Variants in NTM observed in about 807,000 individuals in gnomAD.
NTM encodes the protein IgLON family member 2.
A neutral mutation model predicts 42.1 loss-of-function variants in NTM; 13 were observed. The observed-to-expected ratio is 0.31, with a 90% CI of 0.20 to 0.49. NTM has a LOEUF of 0.49. Among genes scored for constraint, NTM ranks in the 20% least tolerant of loss-of-function variants. The pLI, the probability that NTM is intolerant of heterozygous loss-of-function variation, is 0.99. For synonymous variants in NTM, 187 were observed against 179.2 expected, an observed-to-expected ratio of 1.04 and a Z score of -0.35; for missense variants, 373 against 452.8, an observed-to-expected ratio of 0.82 and a Z score of 1.60.
Position 131,720,564 on chromosome 11 carries a change from C to T in NTM, c.83-191000C>T, listed in dbSNP as rs570473088. On this transcript the variant is annotated intron_variant, in intron 1 of 8. Coordinates refer to ENST00000683400, the MANE Select transcript of NTM (RefSeq NM_001352005.2). Reference sequence around the variant, plus strand: ...AGATGAGATTCTTACTCCAATAAAACTGCAGCCTAGTAATGGTGGCAATGT... The same window carrying T: ...AGATGAGATTCTTACTCCAATAAAATTGCAGCCTAGTAATGGTGGCAATGT... Among the ~76,000 whole-genome samples the T allele has an allele frequency of 2.8e-4, 43 of 152,304 alleles. No homozygotes were observed. In the South Asian group the frequency reaches 8.7e-3, roughly 31 times the overall value.
intron 1 of NTM, among the ~76,000 whole-genome samples, chr11:131,603,251 A>C (rs970783819): frequency 6.6e-6 from 1 of 151,878 alleles, no homozygotes; most frequent in Non-Finnish European, 1.5e-5. Flanking sequence ...TCCCTCCAAC[A>C]TACCCACTTC....
chr11:131,886,338 C>T (rs1201714535), intron 1 of NTM, among the ~76,000 whole-genome samples: 2 of 152,204 alleles, frequency 1.3e-5, no homozygotes, highest in African/African-American at 4.8e-5. Context: ...GTCTCTAATT[C>T]CTGTGGCTTC....
At chr11:132,120,785 G>A (rs998973820) in intron 2 of NTM, among the ~76,000 whole-genome samples, 5 of 152,124 alleles carry the variant, frequency 3.3e-5, no homozygotes, top group African/African-American at 4.8e-5. Context: ...TAGATTCTCC[G>A]TGGATGTGGA....
chr11:131,796,091 T>C, intron 1 of NTM: 1 of 985,390 alleles, frequency 1.0e-6, no homozygotes. Context: ...CACTAGTTAT[T>C]TTCCCGGGGG....
At chr11:131,525,101 G>A (rs568350941) in intron 1 of NTM, among the ~76,000 whole-genome samples, 9 of 152,270 alleles carry the variant, frequency 5.9e-5, no homozygotes, top group Middle Eastern at 3.4e-3. Flanking sequence ...GGTATTGCCA[G>A]ACCTCTACGC....
At chr11:132,114,470 A>G (rs1261897377) in intron 2 of NTM, among the ~76,000 whole-genome samples, 1 of 152,142 alleles carries the variant, frequency 6.6e-6, no homozygotes, top group Non-Finnish European at 1.5e-5. Context: ...TACTCAGACT[A>G]TGACAGTAAT....
intron 1 of NTM, among the ~76,000 whole-genome samples, chr11:131,906,780 T>C (rs928075929): frequency 4.6e-5 from 7 of 152,100 alleles, no homozygotes; most frequent in African/African-American, 1.7e-4. Context: ...CTTCATATCC[T>C]CCTTCTCAGT....
At chr11:131,903,305 T>A (rs553240089) in intron 1 of NTM, among the ~76,000 whole-genome samples, 1 of 152,364 alleles carries the variant, frequency 6.6e-6, no homozygotes, top group South Asian at 2.1e-4. Context: ...GATAGCCATG[T>A]CCCAGCTAGG....
intron 1 of NTM, among the ~76,000 whole-genome samples, chr11:131,559,668 A>G (rs1276383236): frequency 6.6e-6 from 1 of 152,238 alleles, no homozygotes; most frequent in Admixed American, 6.5e-5. Context: ...TAATCAAGGT[A>G]GAAATGTATT....
At chr11:131,656,941 AC>A (rs1343665419) in intron 1 of NTM, among the ~76,000 whole-genome samples, 3 of 151,888 alleles carry the variant, frequency 2.0e-5, no homozygotes, top group African/African-American at 7.3e-5. Context: ...TCCGTGAGCC[AC>A]CGTGGTGGTC....
At chr11:131,890,438 AG>A in intron 1 of NTM, among the ~76,000 whole-genome samples, 1 of 152,352 alleles carries the variant, frequency 6.6e-6, no homozygotes, top group East Asian at 1.9e-4. Flanking sequence ...TGCTGAGTGC[AG>A]GGGGAGACAG....
chr11:132,172,811 G>A (rs1592002351), intron 3 of NTM, among the ~76,000 whole-genome samples: 1 of 152,164 alleles, frequency 6.6e-6, no homozygotes, highest in South Asian at 2.1e-4. Context: ...ATTTGTGCTG[G>A]AAAAAGCACA....
intron 1 of NTM, among the ~76,000 whole-genome samples, chr11:131,849,723 GCCCTTT>G: frequency 6.6e-6 from 1 of 150,428 alleles, no homozygotes. Flanking sequence ...ACATTTCAGA[GCCCTTT>G]ATGGGTTAGC....
chr11:131,650,278 TG>T (rs758850446), intron 1 of NTM, among the ~76,000 whole-genome samples: 72 of 152,114 alleles, frequency 4.7e-4, no homozygotes, highest in Non-Finnish European at 8.2e-4. Context: ...CTCCTAAATT[TG>T]GGGGGTACAT....
intron 1 of NTM, among the ~76,000 whole-genome samples, chr11:131,552,504 CA>C (rs36101549): frequency 0.054 from 3,922 of 73,086 alleles, 135 homozygotes; most frequent in African/African-American, 0.15. Context: ...GACTCCGTCT[CA>C]AAAAAAAAAA....
At chr11:131,983,249 G>C (rs1447250103) in intron 2 of NTM, among the ~76,000 whole-genome samples, 2 of 152,060 alleles carry the variant, frequency 1.3e-5, no homozygotes, top group Non-Finnish European at 2.9e-5. Context: ...ATCACAAAAA[G>C]AGATGCTGGA....
At chr11:132,162,572 A>G in intron 3 of NTM, among the ~76,000 whole-genome samples, 1 of 96,998 alleles carries the variant, frequency 1.0e-5, no homozygotes, top group Non-Finnish European at 2.0e-5. Flanking sequence ...TGTGGATGTG[A>G]TCGTGTGTGT....
intron 1 of NTM, among the ~76,000 whole-genome samples, chr11:131,420,623 C>A (rs1384324281): frequency 6.6e-6 from 1 of 152,134 alleles, no homozygotes; most frequent in East Asian, 1.9e-4. Context: ...ATGTTCTAGA[C>A]CCACTGGGAG....
At chr11:131,509,902 A>G (rs922525830) in intron 1 of NTM, among the ~76,000 whole-genome samples, 1 of 152,192 alleles carries the variant, frequency 6.6e-6, no homozygotes, top group Admixed American at 6.5e-5. Context: ...GCCAATTTTC[A>G]TGATATAAAG....
Sources: gnomAD v4.1 joint callset for allele counts (sites outside exome capture counted in the v4.1 genomes callset) on GRCh38, gnomAD v4.1.1 for gene constraint, MANE v1.5 for transcripts, NCBI Gene and HGNC (gene_info 2026-07-23, HGNC 2026-07-21) for gene names.